ARHGAP10: variants seen among roughly 807,000 people sequenced by gnomAD.
The protein encoded by ARHGAP10 is Rho GTPase activating protein 10.
ARHGAP10 carries 87 observed loss-of-function variants against 108.6 expected under a neutral mutation model. That is an observed-to-expected ratio of 0.80 (90% CI 0.67 to 0.96). ARHGAP10 has a LOEUF of 0.96. Among genes scored for constraint, ARHGAP10 ranks in the 40% least tolerant of loss-of-function variants. The pLI is 0.00. For synonymous variants in ARHGAP10, 347 were observed against 341.1 expected, an observed-to-expected ratio of 1.02 and a Z score of -0.19; for missense variants, 939 against 954.5, an observed-to-expected ratio of 0.98 and a Z score of 0.21.
chr4:147,894,320 G>A (rs1451188863), intron 10 of ARHGAP10, among the ~76,000 whole-genome samples: 1 of 152,144 alleles, frequency 6.6e-6, no homozygotes, highest in Non-Finnish European at 1.5e-5. Context: ...GAGATGTTGA[G>A]CACTTCTTCC....
At chr4:147,992,291 G>T (rs1470141507) in intron 18 of ARHGAP10, among the ~76,000 whole-genome samples, 1 of 152,080 alleles carries the variant, frequency 6.6e-6, no homozygotes, top group African/African-American at 2.4e-5. Context: ...CTGCTCTCTC[G>T]TCTACATCTG....
At chr4:147,769,717 AT>A (rs1456835946) in intron 1 of ARHGAP10, among the ~76,000 whole-genome samples, 4 of 152,014 alleles carry the variant, frequency 2.6e-5, no homozygotes, top group African/African-American at 4.8e-5. Flanking sequence ...TGTTTGAGAT[AT>A]TTTTTTCTTT....
At chr4:147,882,229 G>A (rs972371980) in intron 10 of ARHGAP10, among the ~76,000 whole-genome samples, 8 of 152,102 alleles carry the variant, frequency 5.3e-5, no homozygotes, top group African/African-American at 1.9e-4. Flanking sequence ...TTGGGAGGCC[G>A]AGGTGGGCAG....
At chr4:147,882,646 G>A (rs975397326) in intron 10 of ARHGAP10, among the ~76,000 whole-genome samples, 2 of 152,110 alleles carry the variant, frequency 1.3e-5, no homozygotes, top group East Asian at 3.8e-4. Flanking sequence ...CATCCTGTAC[G>A]TGATGGAGGG....
intron 16 of ARHGAP10, among the ~76,000 whole-genome samples, chr4:147,960,948 C>T (rs1006227900): frequency 1.3e-5 from 2 of 152,198 alleles, no homozygotes; most frequent in African/African-American, 4.8e-5. Context: ...TTTATCTGTT[C>T]TACTGTTAAT....
At chr4:147,896,653 T>A (rs1329377895) in intron 10 of ARHGAP10, among the ~76,000 whole-genome samples, 4 of 152,116 alleles carry the variant, frequency 2.6e-5, no homozygotes, top group African/African-American at 9.7e-5. Context: ...TTTCTGAATT[T>A]ATTTTTTTTC....
chr4:147,774,721 G>A (rs758114366), intron 1 of ARHGAP10, among the ~76,000 whole-genome samples: 5 of 152,064 alleles, frequency 3.3e-5, no homozygotes, highest in South Asian at 2.1e-4. Flanking sequence ...TGTGTGTTTC[G>A]TTTCTTCCTT....
intron 7 of ARHGAP10, 119 bp from the exon 8 acceptor site, chr4:147,874,902 T>C (rs1734996808): frequency 1.8e-6 from 2 of 1,118,024 alleles, no homozygotes; most frequent in Non-Finnish European, 2.4e-6. Context: ...TTGAGAAATT[T>C]ATAAAAAAGT....
intron 1 of ARHGAP10, among the ~76,000 whole-genome samples, chr4:147,800,587 A>G (rs1024091742): frequency 4.6e-5 from 7 of 152,262 alleles, no homozygotes; most frequent in African/African-American, 1.4e-4. Flanking sequence ...GGGTTGGGAA[A>G]TGGTGGGTCT....
At chr4:147,769,014 A>G (rs906699554) in intron 1 of ARHGAP10, among the ~76,000 whole-genome samples, 1 of 152,162 alleles carries the variant, frequency 6.6e-6, no homozygotes, top group Non-Finnish European at 1.5e-5. Flanking sequence ...CTGGGATTAC[A>G]GGTGTGAGCC....
rs569747057 is a variant in ARHGAP10, at chr4:147,741,810, A to G, written c.154+9355A>G. On this transcript the variant is annotated intron_variant, in intron 1 of 22. Transcript: ENST00000336498. ...CACACACGCACACACACACACACAC[A>G]CACACACACACACACACACCAGGCG... 7.8e-4 allele frequency among the ~76,000 whole-genome samples: 114 copies of G among 146,200 alleles called. 1 individual carries two copies. The highest frequency in any genetic ancestry group is 1.7e-3 in the South Asian group (8 of 4,772).
chr4:147,993,161 G>A (rs1484307394), intron 18 of ARHGAP10, among the ~76,000 whole-genome samples: 1 of 152,132 alleles, frequency 6.6e-6, no homozygotes, highest in Non-Finnish European at 1.5e-5. Context: ...TGATTGTCAT[G>A]CAGTATTCTG....
intron 15 of ARHGAP10, among the ~76,000 whole-genome samples, chr4:147,947,038 A>G (rs1056073154): frequency 2.6e-5 from 4 of 152,180 alleles, no homozygotes; most frequent in African/African-American, 9.7e-5. Context: ...TTGTGTCTTT[A>G]TATTTTATGC....
intron 11 of ARHGAP10, among the ~76,000 whole-genome samples, 178 bp downstream of exon 11, chr4:147,906,897 A>G (rs980227720): frequency 3.9e-5 from 6 of 152,356 alleles, no homozygotes; most frequent in South Asian, 2.1e-4. Flanking sequence ...AGCAGTACAT[A>G]TAAGACTAGT....
intron 7 of ARHGAP10, among the ~76,000 whole-genome samples, chr4:147,870,001 TGTGTGTGTGTGTGTGTG>T (rs1734744219): frequency 6.2e-5 from 9 of 144,608 alleles, no homozygotes; most frequent in African/African-American, 1.3e-4. Flanking sequence ...TCCCAGTTTG[TGTGTGTGTGTGTGTGTG>T]TGTGTGTGTG....
chr4:147,859,578 T>G (rs7664567), intron 5 of ARHGAP10, among the ~76,000 whole-genome samples: 114,339 of 152,200 alleles, frequency 0.75, 46,186 homozygotes, highest in Non-Finnish European at 0.89. Flanking sequence ...CCAGCCTATT[T>G]TTTTTCATAG....
At chr4:148,068,941 C>A (rs777533530) in intron 22 of ARHGAP10, among the ~76,000 whole-genome samples, 2 of 152,182 alleles carry the variant, frequency 1.3e-5, no homozygotes, top group Admixed American at 6.5e-5. Flanking sequence ...GCTGTGAGGA[C>A]ACCGTGGCTG....
At position 147,919,603 on chromosome 4, in the gene ARHGAP10, C is replaced by T. The variant is rs1222702465; in HGVS notation, c.1228+6464C>T. Among the ~76,000 whole-genome samples the T allele has an allele frequency of 2.6e-5, 4 of 151,964 alleles. No individual in the cohort carries two copies. In the East Asian group the frequency reaches 7.7e-4, roughly 29 times the overall value. On this transcript the variant is annotated intron_variant, in intron 13 of 22. Coordinates refer to ENST00000336498, the MANE Select transcript of ARHGAP10 (RefSeq NM_024605.4). ...TTTTTTTTTTGTGGAGATGCAGTCC[C>T]TCTCTGTTGCCCAGACTAGAGTGCA...
intron 1 of ARHGAP10, among the ~76,000 whole-genome samples, chr4:147,776,417 A>C (rs1730292862): frequency 6.6e-6 from 1 of 152,086 alleles, no homozygotes; most frequent in African/African-American, 2.4e-5. Context: ...ATGTGGTTTT[A>C]CCATGTTGGC....
Sources: allele counts gnomAD v4.1 joint callset (sites outside exome capture counted in the v4.1 genomes callset), GRCh38; gene constraint gnomAD v4.1.1; transcripts MANE v1.5; gene names NCBI Gene and HGNC (gene_info 2026-07-23, HGNC 2026-07-21).